RFLNA: variants seen among roughly 807,000 people sequenced by gnomAD.
RFLNA encodes the protein refilin-A.
In RFLNA, 5 loss-of-function variants were observed where a neutral mutation model predicts 7.8. That is an observed-to-expected ratio of 0.64 (90% confidence interval 0.34 to 1.35). The LOEUF is 1.35. RFLNA is among the 40% of genes most tolerant of loss of function. RFLNA has a pLI of 0.04. For missense variants in RFLNA, 278 were observed against 305.5 expected, an observed-to-expected ratio of 0.91 and a Z score of 0.67; for synonymous variants, 141 against 131.3, an observed-to-expected ratio of 1.07 and a Z score of -0.50.
intron 1 of RFLNA, among the ~76,000 whole-genome samples, chr12:124,311,267 ACATCTGC>A (rs1466326465): frequency 6.9e-6 from 1 of 145,918 alleles, no homozygotes; most frequent in African/African-American, 2.6e-5. Flanking sequence ...CCTCCTGCAG[ACATCTGC>A]TATTCTGATC....
chr12:124,307,079 C>G (rs181069993), intron 1 of RFLNA, among the ~76,000 whole-genome samples: 1 of 152,226 alleles, frequency 6.6e-6, no homozygotes, highest in Non-Finnish European at 1.5e-5. Flanking sequence ...ACGCACTAGA[C>G]GCTGGGGTGT....
upstream of RFLNA, among the ~76,000 whole-genome samples, chr12:124,294,186 T>C (rs1470549365): frequency 6.6e-6 from 1 of 152,208 alleles, no homozygotes; most frequent in Non-Finnish European, 1.5e-5. Context: ...TTCCCGCCCC[T>C]GATCTTGGGC....
chr12:124,293,346 A>G (rs1311355485), upstream of RFLNA, among the ~76,000 whole-genome samples: 1 of 152,210 alleles, frequency 6.6e-6, no homozygotes, highest in Non-Finnish European at 1.5e-5. Flanking sequence ...AGTCCCTGAG[A>G]TAAGAAGAAA....
chr12:124,295,931 G>A (rs985607932), intron 1 of RFLNA, among the ~76,000 whole-genome samples: 5 of 151,414 alleles, frequency 3.3e-5, no homozygotes, highest in African/African-American at 1.2e-4. Flanking sequence ...GGTAAAGGAC[G>A]GTCCGAAATT....
chr12:124,304,524 G>A (rs570871591), intron 1 of RFLNA, among the ~76,000 whole-genome samples: 8 of 152,348 alleles, frequency 5.3e-5, no homozygotes, highest in South Asian at 4.1e-4. Context: ...CTTTGTCGGC[G>A]CCCACGTTCC....
intron 2 of RFLNA, 82 bp downstream of exon 2, chr12:124,312,009 G>A (rs2034254372): frequency 7.0e-7 from 1 of 1,430,910 alleles, no homozygotes. Flanking sequence ...GGATGGGGGT[G>A]GGGACTAGGC....
At chr12:124,296,829 T>G (rs188219979) in intron 1 of RFLNA, among the ~76,000 whole-genome samples, 181 of 152,316 alleles carry the variant, frequency 1.2e-3, no homozygotes, top group Admixed American at 2.7e-3. Flanking sequence ...CAGCTCGGCA[T>G]CAGGAGGGTT....
rs1007065658 is a variant in RFLNA at position 124,315,879 on chromosome 12, C to T, written c.*1354C>T. On this transcript the variant is annotated 3_prime_UTR_variant, in exon 3 of 3. Coordinates refer to ENST00000546355, the MANE Select transcript of RFLNA (RefSeq NM_001365156.1). ...CTGTGGAGGTGAGGAGGGGAGATTC[C>T]GTTCACATCCAGGAGGGGCAAAATG... The T allele has an allele frequency of 3.3e-5, 5 of 152,172 alleles. No homozygotes were observed. The highest frequency in any genetic ancestry group is 6.5e-5 in the Admixed American group (1 of 15,288). The allele number at this position is 152,172 out of a possible 1,614,324, so 9.4% of individuals were successfully genotyped here. A position where few individuals can be genotyped will look rare whatever the true frequency, so the allele number is the denominator to read the frequency against.
At chr12:124,300,508 G>A (rs1566322595) in intron 1 of RFLNA, among the ~76,000 whole-genome samples, 1 of 152,204 alleles carries the variant, frequency 6.6e-6, no homozygotes, top group African/African-American at 2.4e-5. Flanking sequence ...TGGTGAAACT[G>A]AGTATGAGAG....
At chr12:124,294,943 C>T (rs1015415446), upstream of RFLNA, among the ~76,000 whole-genome samples, 1 of 152,176 alleles carries the variant, frequency 6.6e-6, no homozygotes, top group African/African-American at 2.4e-5. Context: ...CGTGGGACTC[C>T]AGCTGCTGGC....
chr12:124,296,181 C>T (rs7308657), intron 1 of RFLNA, among the ~76,000 whole-genome samples: 5,492 of 5,920 alleles, frequency 0.93, 2,682 homozygotes, highest in Middle Eastern at 1. Flanking sequence ...CTTCTCTTCT[C>T]TTCTTTTCTT....
At position 124,314,537 on chromosome 12, in the gene RFLNA, C is replaced by T. The variant is rs1012429071; in HGVS notation, c.*12C>T. The T allele has an allele frequency of 4.5e-6, 7 of 1,558,706 alleles. No individual in the cohort carries two copies. Among genetic ancestry groups the T allele is most frequent in the Admixed American group, 1.9e-5 (1 of 53,576 alleles). On this transcript the variant is annotated 3_prime_UTR_variant, in exon 3 of 3. Coordinates refer to ENST00000546355, the MANE Select transcript of RFLNA (RefSeq NM_001365156.1). ...CTGCCACGCTCTGACGGGGCTGGGGCCGGCCCGGGGTGCTGGAGGAGCCGG... is the reference window on the plus strand; with the variant it reads ...CTGCCACGCTCTGACGGGGCTGGGGTCGGCCCGGGGTGCTGGAGGAGCCGG...
intron 2 of RFLNA, among the ~76,000 whole-genome samples, chr12:124,312,519 C>T (rs568401081): frequency 5.3e-5 from 8 of 152,214 alleles, no homozygotes; most frequent in African/African-American, 1.9e-4. Flanking sequence ...CTATGTTGCC[C>T]AGACTGGTCT....
At chr12:124,298,808 C>T (rs1274760651) in intron 1 of RFLNA, among the ~76,000 whole-genome samples, 2 of 152,204 alleles carry the variant, frequency 1.3e-5, no homozygotes, top group Non-Finnish European at 2.9e-5. Flanking sequence ...ACTCAGGGTA[C>T]GAACTTTACA....
At chr12:124,292,171 T>C (rs150283120), upstream of RFLNA, among the ~76,000 whole-genome samples, 1 of 152,354 alleles carries the variant, frequency 6.6e-6, no homozygotes, top group Non-Finnish European at 1.5e-5. Context: ...CAGATCATTC[T>C]TTACCTGCTT....
intron 1 of RFLNA, among the ~76,000 whole-genome samples, chr12:124,296,129 TCTCTCTC>T (rs2033915445): frequency 2.2e-4 from 1 of 4,578 alleles, no homozygotes; most frequent in Non-Finnish European, 8.6e-4. Flanking sequence ...TCTTTCTCTC[TCTCTCTC>T]TCTTCTTCTC....
chr12:124,290,436 A>G (rs149149638), upstream of RFLNA, among the ~76,000 whole-genome samples: 4 of 152,272 alleles, frequency 2.6e-5, no homozygotes, highest in East Asian at 5.8e-4. This position sits in a 1 kb window ranked among gnomAD's most constrained non-coding sequence, Gnocchi z 4.0. Context: ...GTATGTGCAT[A>G]CATGTGTATG....
At chr12:124,305,473 A>G (rs2034121692) in intron 1 of RFLNA, among the ~76,000 whole-genome samples, 1 of 152,212 alleles carries the variant, frequency 6.6e-6, no homozygotes, top group Non-Finnish European at 1.5e-5. Context: ...GTGGCTTCAA[A>G]CGGCACGAAT....
intron 1 of RFLNA, among the ~76,000 whole-genome samples, chr12:124,309,209 C>A (rs937548448): frequency 2.0e-5 from 3 of 152,126 alleles, no homozygotes; most frequent in Admixed American, 6.5e-5. Flanking sequence ...CTGCTTCCCC[C>A]CCACCGATCA....
Sources: allele counts gnomAD v4.1 joint callset (sites outside exome capture counted in the v4.1 genomes callset), GRCh38; gene constraint gnomAD v4.1.1; non-coding constraint Gnocchi (gnomAD v3.1); transcripts MANE v1.5; gene names NCBI Gene and HGNC (gene_info 2026-07-23, HGNC 2026-07-21).